EYS: variants seen among roughly 807,000 people sequenced by gnomAD.
The protein encoded by EYS is protein eyes shut homolog.
A neutral mutation model predicts 282.1 loss-of-function variants in EYS; 250 were observed. The ratio of observed to expected loss-of-function variants is 0.89; its 90% CI spans 0.80 to 0.98. EYS has a LOEUF of 0.98. EYS is among the 50% of genes least tolerant of loss of function. The pLI, the probability that EYS is intolerant of heterozygous loss-of-function variation, is 0.00. For synonymous variants in EYS, 1,355 were observed against 1,282.9 expected (o/e 1.06, Z -1.20); for missense variants, 4,016 against 3,709.0 (o/e 1.08, Z -2.15).
chr6:64,659,482 C>T (rs1768905856), intron 22 of EYS, among the ~76,000 whole-genome samples: 1 of 151,578 alleles, frequency 6.6e-6, no homozygotes, highest in Non-Finnish European at 1.5e-5. Context: ...AATTGATAGA[C>T]CTTTAGCAAG....
At chr6:65,546,578 T>C (rs1184349387) in intron 2 of EYS, among the ~76,000 whole-genome samples, 1 of 150,752 alleles carries the variant, frequency 6.6e-6, no homozygotes, top group Non-Finnish European at 1.5e-5. Flanking sequence ...TTGATCTTTT[T>C]TTTGTTTGTT....
At chr6:64,926,924 C>T (rs1426802505) in intron 15 of EYS, among the ~76,000 whole-genome samples, 1 of 151,996 alleles carries the variant, frequency 6.6e-6, no homozygotes, top group Non-Finnish European at 1.5e-5. Flanking sequence ...ACTATACAGG[C>T]GATATACGTC....
At chr6:64,330,140 G>A (rs1770585455) in intron 29 of EYS, among the ~76,000 whole-genome samples, 1 of 152,180 alleles carries the variant, frequency 6.6e-6, no homozygotes, top group Non-Finnish European at 1.5e-5. Context: ...GTGCTTTCAA[G>A]GCACAGAAAG....
At chr6:65,346,207 G>T (rs1471736362) in intron 9 of EYS, among the ~76,000 whole-genome samples, 2 of 151,736 alleles carry the variant, frequency 1.3e-5, no homozygotes. Context: ...TGTATGGTCA[G>T]TTTCCAGTCA....
chr6:65,025,783 G>A (rs572196124), intron 13 of EYS, among the ~76,000 whole-genome samples: 14 of 152,234 alleles, frequency 9.2e-5, no homozygotes, highest in African/African-American at 2.9e-4. Context: ...TTAGGTAACA[G>A]AACAGATGTC....
At chr6:64,897,383 A>G (rs1767508197) in intron 18 of EYS, among the ~76,000 whole-genome samples, 1 of 152,200 alleles carries the variant, frequency 6.6e-6, no homozygotes, top group Non-Finnish European at 1.5e-5. Flanking sequence ...AAGGATATCT[A>G]ACAGACAGAA....
chr6:64,646,810 A>T (rs1243234911), intron 22 of EYS, among the ~76,000 whole-genome samples: 1 of 147,032 alleles, frequency 6.8e-6, no homozygotes, highest in Non-Finnish European at 1.5e-5. Flanking sequence ...AGCTAAAAGA[A>T]AAAAAAAAAA....
rs35622877 is a variant in EYS at position 63,887,314 on chromosome 6, G to GTTTTT, written c.7056-22961_7056-22957dup. Among the ~76,000 whole-genome samples the GTTTTT allele has an allele frequency of 7.9e-4, 95 of 120,222 alleles. 6 individuals are homozygous for GTTTTT. Among genetic ancestry groups the GTTTTT allele is most frequent in the Non-Finnish European group, 8.5e-4 (51 of 59,838 alleles). 78.9% of individuals were successfully genotyped at this position (120,222 alleles called of 152,430 possible). On this transcript the variant is annotated intron_variant, in intron 35 of 42. Coordinates refer to ENST00000503581, the MANE Select transcript of EYS (RefSeq NM_001142800.2). The stretch of plus-strand genomic sequence containing the variant: ...AAAAGAGGAAAGAGGAATAAAAGGT[G>GTTTTT]TTTTTTTTTTTTTTTTTTGTCTTTG...
intron 34 of EYS, among the ~76,000 whole-genome samples, chr6:63,996,909 G>A (rs896233347): frequency 1.3e-5 from 2 of 152,032 alleles, no homozygotes; most frequent in African/African-American, 4.8e-5. Flanking sequence ...AATTAATACA[G>A]GTGTTTTTTC....
chr6:65,229,131 T>G (rs2150266089), intron 12 of EYS, among the ~76,000 whole-genome samples: 1 of 152,002 alleles, frequency 6.6e-6, no homozygotes, highest in African/African-American at 2.4e-5. Context: ...TGAAGCCAAA[T>G]AAACAGAATT....
At chr6:65,145,002 C>G (rs1034194884) in intron 12 of EYS, among the ~76,000 whole-genome samples, 1 of 151,930 alleles carries the variant, frequency 6.6e-6, no homozygotes, top group Admixed American at 6.6e-5. Context: ...AACTCCTGAC[C>G]TCATGTGATC....
intron 13 of EYS, among the ~76,000 whole-genome samples, chr6:65,045,742 C>A (rs1355848352): frequency 6.6e-6 from 1 of 151,740 alleles, no homozygotes; most frequent in African/African-American, 2.4e-5. Context: ...GATATGGACT[C>A]TGAAATATTT....
intron 30 of EYS, among the ~76,000 whole-genome samples, chr6:64,232,472 C>T (rs1766453585): frequency 6.6e-6 from 1 of 152,176 alleles, no homozygotes; most frequent in Non-Finnish European, 1.5e-5. Flanking sequence ...TCACTGCAGC[C>T]TCCACCTCCC....
intron 12 of EYS, among the ~76,000 whole-genome samples, chr6:65,291,095 A>G (rs575546747): frequency 6.6e-6 from 1 of 151,732 alleles, no homozygotes; most frequent in East Asian, 1.9e-4. Context: ...AGAAATAATA[A>G]GAAAAGTTGT....
intron 2 of EYS, among the ~76,000 whole-genome samples, chr6:65,616,477 TC>T (rs35544885): frequency 0.15 from 22,074 of 152,120 alleles, 1,650 homozygotes; most frequent in South Asian, 0.23. Flanking sequence ...GGCATTATTT[TC>T]CTATATGTTT....
At chr6:64,026,925 T>G (rs939212585) in intron 33 of EYS, among the ~76,000 whole-genome samples, 12 of 152,200 alleles carry the variant, frequency 7.9e-5, no homozygotes, top group Non-Finnish European at 1.5e-4. Flanking sequence ...CAGATGATCC[T>G]GATAGGTACA....
intron 41 of EYS, among the ~76,000 whole-genome samples, chr6:63,732,482 G>A (rs1768806380): frequency 6.6e-6 from 1 of 152,110 alleles, no homozygotes; most frequent in Non-Finnish European, 1.5e-5. Context: ...CAGGAAAAAT[G>A]ACTATGCTTA....
At chr6:63,922,602 A>C (rs1013258088) in intron 35 of EYS, among the ~76,000 whole-genome samples, 1 of 152,126 alleles carries the variant, frequency 6.6e-6, no homozygotes, top group African/African-American at 2.4e-5. Flanking sequence ...ATAATTAGGC[A>C]TGTCTCAAAA....
chr6:64,645,501 A>G (rs544725656), intron 22 of EYS, among the ~76,000 whole-genome samples: 4 of 152,332 alleles, frequency 2.6e-5, no homozygotes, highest in African/African-American at 9.6e-5. Context: ...TGGAATATTA[A>G]GAGTCAGAGT....
Sources: allele counts gnomAD v4.1 joint callset (sites outside exome capture counted in the v4.1 genomes callset), GRCh38; gene constraint gnomAD v4.1.1; transcripts MANE v1.5; gene names NCBI Gene and HGNC (gene_info 2026-07-23, HGNC 2026-07-21).